The following ZC3H12B variants were observed in gnomAD, a reference collection of about 807,000 sequenced individuals.
ZC3H12B encodes the protein probable ribonuclease ZC3H12B.
ZC3H12B carries 7 observed loss-of-function variants against 43.9 expected under a neutral mutation model. The observed-to-expected ratio is 0.16, with a 90% CI of 0.09 to 0.30. ZC3H12B has a LOEUF of 0.30. Ranked by LOEUF, ZC3H12B falls within the 10% of genes least tolerant of loss-of-function variation. ZC3H12B has a pLI of 1.00. For missense variants in ZC3H12B, 475 were observed against 670.2 expected, an observed-to-expected ratio of 0.71 and a Z score of 3.22; for synonymous variants, 222 against 241.7, an observed-to-expected ratio of 0.92 and a Z score of 0.76.
the ZC3H12B span, among the ~76,000 whole-genome samples, chrX:65,309,775 G>A: frequency 5.6e-4 from 63 of 112,047 alleles, no homozygotes; most frequent in African/African-American, 2.0e-3. Context: ...ACAGAATCCA[G>A]CATCAGGTCA....
At chrX:65,160,903 T>G in the ZC3H12B span, among the ~76,000 whole-genome samples, 16 of 111,495 alleles carry the variant, frequency 1.4e-4, no homozygotes, top group African/African-American at 5.2e-4. Flanking sequence ...CATTTAGTGC[T>G]ATAAATTTCC....
At chrX:65,123,788 G>T in the ZC3H12B span, among the ~76,000 whole-genome samples, 1 of 103,678 alleles carries the variant, frequency 9.6e-6, no homozygotes, top group Non-Finnish European at 2.0e-5. Context: ...TTGATTTTCA[G>T]TTTGTTCACT....
the ZC3H12B span, among the ~76,000 whole-genome samples, chrX:65,098,323 G>A: frequency 9.1e-6 from 1 of 109,445 alleles, no homozygotes; most frequent in Non-Finnish European, 1.9e-5. Context: ...GATATTAATA[G>A]GAACCACAAA....
intron 3 of ZC3H12B, among the ~76,000 whole-genome samples, chrX:65,400,459 C>T (rs1002918140): frequency 3.6e-5 from 4 of 111,850 alleles, no homozygotes; most frequent in Non-Finnish European, 5.6e-5. Flanking sequence ...ATTCTCTTCC[C>T]AAATTCTGTT....
chrX:65,287,993 T>TAC, the ZC3H12B span, among the ~76,000 whole-genome samples: 7,296 of 105,754 alleles, frequency 0.069, 907 homozygotes, highest in African/African-American at 0.25. Context: ...TATATACATA[T>TAC]ATATATATAT....
chrX:65,110,058 G>A, the ZC3H12B span, among the ~76,000 whole-genome samples: 1 of 111,120 alleles, frequency 9.0e-6, no homozygotes, highest in Non-Finnish European at 1.9e-5. Flanking sequence ...AGTGGCTAGT[G>A]ATGTTGATCA....
At chrX:65,230,584 A>T in the ZC3H12B span, among the ~76,000 whole-genome samples, 4 of 107,212 alleles carry the variant, frequency 3.7e-5, no homozygotes, top group Non-Finnish European at 5.8e-5. Context: ...TTATTCATAT[A>T]AACAAACATC....
chrX:65,486,618 C>A (rs1198916295), upstream of ZC3H12B, among the ~76,000 whole-genome samples: 1 of 112,305 alleles, frequency 8.9e-6, no homozygotes, highest in Non-Finnish European at 1.9e-5. Flanking sequence ...TCTGCTAAGC[C>A]ACTTATTTCT....
exon 5 of ZC3H12B, chrX:65,503,197 G>A: frequency 8.3e-7 from 1 of 1,197,821 alleles, no homozygotes; most frequent in Non-Finnish European, 1.1e-6. Flanking sequence ...CTAAGCTTAG[G>A]GCTGCACGTT....
At chrX:65,261,523 G>A in the ZC3H12B span, among the ~76,000 whole-genome samples, 1 of 110,917 alleles carries the variant, frequency 9.0e-6, no homozygotes, top group Admixed American at 9.6e-5. Context: ...GTGTTTCCCA[G>A]AGTGTGGTAT....
chrX:65,195,401 A>G, the ZC3H12B span, among the ~76,000 whole-genome samples: 19 of 111,877 alleles, frequency 1.7e-4, no homozygotes, highest in Middle Eastern at 4.6e-3. Context: ...ATTGATGACA[A>G]ATTGGCACTG....
At chrX:65,053,767 C>G in the ZC3H12B span, among the ~76,000 whole-genome samples, 4 of 111,683 alleles carry the variant, frequency 3.6e-5, no homozygotes, top group Non-Finnish European at 1.9e-5. Context: ...CCTCCAGCAC[C>G]TGTTGTTTCC....
chrX:65,461,002 C>A (rs1026711898), intron 3 of ZC3H12B, among the ~76,000 whole-genome samples: 1 of 111,731 alleles, frequency 9.0e-6, no homozygotes, highest in Non-Finnish European at 1.9e-5. Flanking sequence ...TGAACTCCAA[C>A]AAATTTACAA....
the ZC3H12B span, among the ~76,000 whole-genome samples, chrX:65,046,583 G>C: frequency 8.9e-6 from 1 of 111,812 alleles, no homozygotes; most frequent in Admixed American, 9.5e-5. Context: ...CATCTGGACC[G>C]CTAAAACTGT....
At chrX:65,348,548 A>G in the ZC3H12B span, among the ~76,000 whole-genome samples, 1 of 111,696 alleles carries the variant, frequency 9.0e-6, no homozygotes, top group African/African-American at 3.3e-5. Flanking sequence ...AAATGCCCCA[A>G]TTAAAAGACA....
At chrX:65,283,186 C>A in the ZC3H12B span, among the ~76,000 whole-genome samples, 27 of 111,312 alleles carry the variant, frequency 2.4e-4, no homozygotes, top group Middle Eastern at 4.6e-3. Flanking sequence ...AATCAATAAA[C>A]GTAATCCATC....
chrX:65,367,895 AAC>A (rs781732871), intron 1 of ZC3H12B, among the ~76,000 whole-genome samples: 1 of 111,175 alleles, frequency 9.0e-6, no homozygotes, highest in South Asian at 3.9e-4. Flanking sequence ...GAGTTTGGAA[AAC>A]ACAGTCACTA....
At chrX:65,291,761 A>C in the ZC3H12B span, among the ~76,000 whole-genome samples, 176 of 112,208 alleles carry the variant, frequency 1.6e-3, 1 homozygote, top group Non-Finnish European at 2.8e-3. Context: ...TATACTTTAA[A>C]ATTTGTTAAA....
the ZC3H12B span, among the ~76,000 whole-genome samples, chrX:65,069,344 A>G: frequency 9.4e-6 from 1 of 106,170 alleles, no homozygotes; most frequent in Non-Finnish European, 1.9e-5. Flanking sequence ...TATCCTCTCA[A>G]TGTATATTTT....
Sources: allele counts gnomAD v4.1 joint callset (sites outside exome capture counted in the v4.1 genomes callset), GRCh38; gene constraint gnomAD v4.1.1; transcripts MANE v1.5; gene names NCBI Gene and HGNC (gene_info 2026-07-23, HGNC 2026-07-21).